Variants in GRHL3 observed in about 807,000 individuals in gnomAD.
GRHL3 encodes grainyhead-like protein 3 homolog.
Under a neutral mutation model 70.3 loss-of-function variants are expected in GRHL3, and 20 were observed. That is an observed-to-expected ratio of 0.28 (90% CI 0.20 to 0.41). GRHL3 has a LOEUF of 0.41. Among genes scored for constraint, GRHL3 ranks in the 10% least tolerant of loss-of-function variants. The pLI is 1.00. For missense variants in GRHL3, 637 were observed against 762.3 expected, an observed-to-expected ratio of 0.84 and a Z score of 1.94; for synonymous variants, 299 against 299.9, an observed-to-expected ratio of 1.00 and a Z score of 0.03.
chr1:24,353,076 C>T (rs1640580800), intron 15 of GRHL3, among the ~76,000 whole-genome samples: 1 of 152,198 alleles, frequency 6.6e-6, no homozygotes, highest in South Asian at 2.1e-4. Context: ...ATTTATAGGG[C>T]TTTGTTTCCT....
intron 14 of GRHL3, 28 bp from the exon 15 acceptor site, chr1:24,350,030 C>T: frequency 6.4e-7 from 1 of 1,554,608 alleles, no homozygotes; most frequent in Non-Finnish European, 8.9e-7. Flanking sequence ...GGGCAGCAGG[C>T]AATGAATCAC....
chr1:24,332,124 C>T (rs564212227), intron 2 of GRHL3, among the ~76,000 whole-genome samples: 1 of 152,278 alleles, frequency 6.6e-6, no homozygotes, highest in African/African-American at 2.4e-5. Flanking sequence ...GTCCTCGGAT[C>T]TTACGTTTCC....
At chr1:24,326,341 C>CCCTCCACCCTTCTTCT (rs1639386246) in intron 1 of GRHL3, among the ~76,000 whole-genome samples, 1 of 125,886 alleles carries the variant, frequency 7.9e-6, no homozygotes, top group Admixed American at 7.8e-5. Context: ...CTCCCTCTTC[C>CCCTCCACCCTTCTTCT]CCTCCACCCC....
At position 24,348,139 on chromosome 1, in the gene GRHL3, G is replaced by T. The variant is rs549096039; in HGVS notation, c.1629+586G>T. ...GCTGTGGCTGAAGGTGGAACCACTC[G>T]GAAAAGCCAGATGGTGTCAAGATTT... On this transcript the variant is annotated intron_variant, in intron 14 of 15. Coordinates refer to ENST00000361548, the MANE Select transcript of GRHL3 (RefSeq NM_198173.3). 1.3e-5 allele frequency among the ~76,000 whole-genome samples: 2 copies of T among 152,162 alleles called. 1 individual carries two copies. The highest frequency in any genetic ancestry group is 4.8e-5 in the African/African-American group (2 of 41,428).
Position 24,342,485 on chromosome 1 carries a change from C to T in GRHL3, c.1207-209C>T, listed in dbSNP as rs1459745811. On this transcript the variant is annotated intron_variant, in intron 9 of 15. Transcript: ENST00000361548. The surrounding 1 kb of genome is among the most constrained non-coding windows in gnomAD (Gnocchi z 4.8). The stretch of plus-strand genomic sequence containing the variant: ...CTGTCTTCTGTCTGTCCGCCTCTCT[C>T]ATGGCCTGTAGTGACCTCAGGCAAG... Among the ~76,000 whole-genome samples, 1 of 152,218 alleles carries T rather than the reference C, an allele frequency of 6.6e-6. No homozygotes were observed. Among genetic ancestry groups the T allele is most frequent in the Non-Finnish European group, 1.5e-5 (1 of 68,042 alleles).
intron 15 of GRHL3, among the ~76,000 whole-genome samples, chr1:24,353,825 T>A (rs1248560917): frequency 6.6e-6 from 1 of 151,852 alleles, no homozygotes; most frequent in Non-Finnish European, 1.5e-5. Context: ...CTGGAGAATA[T>A]GGGGAGAGAG....
chr1:24,331,468 G>T lies in GRHL3; in HGVS notation c.60G>T (p.Leu20Phe). ...VRLLKNDPVN[L>F]QKFSYTSEDE... is the part of the protein sequence containing the mutation. ...TGCTAAAGAACGACCCAGTCAACTT[G>T]CAGAAATTCTCTTACACTAGTGAGG... The change falls in exon 2 of 16, where the codon TTG becomes TTT. Residue 20 changes from leucine to phenylalanine, a missense_variant. By Grantham distance (22) the Leu-to-Phe change is conservative. Coordinates refer to ENST00000361548, the MANE Select transcript of GRHL3 (RefSeq NM_198173.3). 1.2e-6 allele frequency: 2 copies of T among 1,613,780 alleles called. No homozygotes were observed. The highest frequency in any genetic ancestry group is 4.5e-5 in the East Asian group (2 of 44,878).
chr1:24,337,675 C>G lies in GRHL3; in HGVS notation c.726C>G (p.His242Gln). 1 of 1,614,236 alleles carries G rather than the reference C, an allele frequency of 6.2e-7. No individual in the cohort carries two copies. The highest frequency in any genetic ancestry group is 8.5e-7 in the Non-Finnish European group (1 of 1,180,034). ...CCCTGGGCTCCCCCAAAGCCATCCA[C>G]ATCAAGTCAGGCGAGTCACCCATGG... ...EYTLGSPKAIHIKSGESPMAY... is the reference protein window; with the variant it reads ...EYTLGSPKAIQIKSGESPMAY... The change falls in exon 6 of 16, where the codon CAC (histidine) becomes CAG (glutamine). Residue 242 changes from histidine to glutamine, a missense_variant. Physicochemically the swap from His to Gln is conservative, Grantham distance 24. Around this residue, in one of 2 missense-constraint regions of GRHL3, gnomAD observed 387 missense variants for 513.8 expected, o/e 0.75. Transcript: ENST00000361548.
chr1:24,360,192 C>A (rs368003141), downstream of GRHL3, among the ~76,000 whole-genome samples: 1 of 152,220 alleles, frequency 6.6e-6, no homozygotes, highest in Non-Finnish European at 1.5e-5. Flanking sequence ...CGCCTGTAAT[C>A]CCAGCACTCT....
At chr1:24,360,370 A>C (rs1440087183) in intron 15 of GRHL3, among the ~76,000 whole-genome samples, 1 of 152,160 alleles carries the variant, frequency 6.6e-6, no homozygotes, top group Non-Finnish European at 1.5e-5. Context: ...AATTGCCTGA[A>C]CCTGGGAGGC....
At chr1:24,333,939 AT>A (rs1213235852) in intron 2 of GRHL3, among the ~76,000 whole-genome samples, 1 of 152,240 alleles carries the variant, frequency 6.6e-6, no homozygotes, top group Non-Finnish European at 1.5e-5. Flanking sequence ...TTAAGTAGGT[AT>A]TATAACCACT....
chr1:24,358,597 T>C, downstream of GRHL3: 1 of 1,614,022 alleles, frequency 6.2e-7, no homozygotes, highest in Non-Finnish European at 8.5e-7. Context: ...ACTGCTTTCC[T>C]GGAAGCTCTG....
At chr1:24,359,288 G>C (rs1640932189), downstream of GRHL3, among the ~76,000 whole-genome samples, 1 of 152,230 alleles carries the variant, frequency 6.6e-6, no homozygotes, top group African/African-American at 2.4e-5. This position sits in a 1 kb window ranked among gnomAD's most constrained non-coding sequence, Gnocchi z 5.3. Context: ...TGTGTGCCAG[G>C]TGCCTAGCAC....
intron 8 of GRHL3, among the ~76,000 whole-genome samples, chr1:24,341,769 C>T (rs901389465): frequency 5.9e-5 from 9 of 152,208 alleles, no homozygotes; most frequent in African/African-American, 1.9e-4. Flanking sequence ...ATCTTAAGCT[C>T]CTATAGGACT....
chr1:24,359,427 T>C (rs1372828382), downstream of GRHL3, among the ~76,000 whole-genome samples: 4 of 152,224 alleles, frequency 2.6e-5, no homozygotes, highest in Non-Finnish European at 5.9e-5. The surrounding 1 kb of genome is among the most constrained non-coding windows in gnomAD (Gnocchi z 5.3). Context: ...ATTTGCATGT[T>C]TGCAATGCTG....
At chr1:24,333,164 G>A (rs1404966203) in intron 2 of GRHL3, among the ~76,000 whole-genome samples, 2 of 152,216 alleles carry the variant, frequency 1.3e-5, no homozygotes, top group African/African-American at 4.8e-5. Context: ...GCGAAGTACA[G>A]TGTCTCAGTG....
intron 14 of GRHL3, among the ~76,000 whole-genome samples, chr1:24,347,832 T>C (rs1289277498): frequency 6.6e-6 from 1 of 152,218 alleles, no homozygotes; most frequent in African/African-American, 2.4e-5. Flanking sequence ...GGGTTTTTTG[T>C]TGGCTTTGCA....
chr1:24,351,190 G>A (rs1411641754), intron 15 of GRHL3, among the ~76,000 whole-genome samples: 1 of 152,204 alleles, frequency 6.6e-6, no homozygotes, highest in African/African-American at 2.4e-5. Context: ...CACTTGCCCC[G>A]TGGCTACTGC....
chr1:24,336,905 C>G (rs906007106), intron 4 of GRHL3, 78 bp downstream of exon 4: 1 of 1,346,350 alleles, frequency 7.4e-7, no homozygotes, highest in East Asian at 2.3e-5. Flanking sequence ...GTGAACAGAT[C>G]AGAGCTTTGG....
Sources: allele counts gnomAD v4.1 joint callset (sites outside exome capture counted in the v4.1 genomes callset), GRCh38; gene constraint gnomAD v4.1.1; regional missense constraint gnomAD v4.1.1; non-coding constraint Gnocchi (gnomAD v3.1); transcripts MANE v1.5; gene names NCBI Gene and HGNC (gene_info 2026-07-23, HGNC 2026-07-21).